NUMA1: variants seen among roughly 807,000 people sequenced by gnomAD.
NUMA1 encodes the protein nuclear mitotic apparatus protein 1, also known as SP-H antigen.
Under a neutral mutation model 237.1 loss-of-function variants are expected in NUMA1, and 62 were observed. That is an observed-to-expected ratio of 0.26 (90% CI 0.21 to 0.32). NUMA1 has a LOEUF of 0.32. Ranked by LOEUF, NUMA1 falls within the 10% of genes least tolerant of loss-of-function variation. The probability of loss-of-function intolerance (pLI) is 1.00; values close to 1 mark genes in which losing one functional copy is unlikely to be tolerated. For missense variants in NUMA1, 2,533 were observed against 2,666.5 expected (o/e 0.95, Z 1.10); for synonymous variants, 1,028 against 1,066.1 (o/e 0.96, Z 0.70).
chr11:72,060,021 C>T, intron 2 of NUMA1, among the ~76,000 whole-genome samples: 1 of 152,104 alleles, frequency 6.6e-6, no homozygotes, highest in Non-Finnish European at 1.5e-5. Context: ...AAAGGTATTA[C>T]CATTTTGATT....
Position 72,008,838 on chromosome 11 carries a change from T to G in NUMA1, c.5066A>C (p.His1689Pro). 1.2e-6 allele frequency: 2 copies of G among 1,614,102 alleles called. No individual in the cohort carries two copies. The highest frequency in any genetic ancestry group is 1.7e-6 in the Non-Finnish European group (2 of 1,180,018). The change falls in exon 20 of 27, where the codon CAT (histidine) becomes CCT (proline). Residue 1689 changes from histidine to proline, a missense_variant. Coordinates refer to ENST00000393695, the MANE Select transcript of NUMA1 (RefSeq NM_006185.4). ...QVRSLEAQVA[H>P]ADQQLRDLGK... The stretch of plus-strand genomic sequence containing the variant: ...CAGGTCTCGAAGCTGCTGGTCTGCA[T>G]GGGCAACCTGAGAAGGAGAGGGCCA...
At position 72,013,542 on chromosome 11, in the gene NUMA1, G is replaced by A. The variant is rs754313223; in HGVS notation, c.3961C>T (p.Arg1321Cys). 21 of 1,613,418 alleles carry A rather than the reference G, an allele frequency of 1.3e-5. No homozygotes were observed. The highest frequency in any genetic ancestry group is 2.2e-5 in the East Asian group (1 of 44,870). Residue 1321 changes from arginine (R) to cysteine (C), a missense_variant, in exon 15 of 27, where the codon CGT (arginine) becomes TGT (cysteine). This residue lies in a region of NUMA1 where 324 missense variants were observed against 407.6 expected (regional missense o/e 0.79). Transcript: ENST00000393695. This position sits in a 1 kb window ranked among gnomAD's most constrained non-coding sequence, Gnocchi z 6.8. ...AATTCTTGGCCCAGCTCCTCCGCAC[G>A]CTCAGCCTGTGAGGTCAGCTCCTGC... The part of the protein sequence containing the change: ...LRQELTSQAE[R>C]AEELGQELKA...
In NUMA1 at chr11:72,018,816, C is replaced by A. The variant is rs371436407; in HGVS notation, c.742+7G>T. ...TTCACACATCTGCCAGTGTGCCAGCCACCTACCCTTCTCGGTGAGGAGCTT... is the reference window on the plus strand; with the variant it reads ...TTCACACATCTGCCAGTGTGCCAGCAACCTACCCTTCTCGGTGAGGAGCTT... On this transcript the variant is annotated splice_region_variant and intron_variant, in intron 10 of 26. Coordinates refer to ENST00000393695, the MANE Select transcript of NUMA1 (RefSeq NM_006185.4). 3.1e-6 allele frequency: 5 copies of A among 1,606,912 alleles called. No individual in the cohort carries two copies. Among genetic ancestry groups the A allele is most frequent in the Non-Finnish European group, 4.2e-6 (5 of 1,179,064 alleles).
chr11:72,033,780 G>A (rs1213032281), intron 3 of NUMA1, among the ~76,000 whole-genome samples: 1 of 152,150 alleles, frequency 6.6e-6, no homozygotes, highest in Non-Finnish European at 1.5e-5. Context: ...TAACACTTTG[G>A]GAGGTCAAGG....
rs1020751231 is a variant in NUMA1 at position 72,032,973 on chromosome 11, G to A, written c.42+2929C>T. On this transcript the variant is annotated intron_variant, in intron 3 of 26. Coordinates refer to ENST00000393695, the MANE Select transcript of NUMA1 (RefSeq NM_006185.4). ...TTTAGCATTTTGATGTATTTCTTTC[G>A]TTTTTTCTAGGTAATTTTTTTTAAA... Among the ~76,000 whole-genome samples, 16 of 151,956 alleles carry A rather than the reference G, an allele frequency of 1.1e-4. No individual in the cohort carries two copies. In the East Asian group the frequency reaches 1.2e-3, roughly 11 times the overall value.
chr11:72,028,176 CAACA>C (rs1332033479), intron 4 of NUMA1, among the ~76,000 whole-genome samples: 2 of 152,218 alleles, frequency 1.3e-5, no homozygotes, highest in African/African-American at 2.4e-5. Context: ...TCTCTTCACT[CAACA>C]AACATTCACT....
chr11:72,069,054 T>A (rs1173315897), intron 2 of NUMA1, among the ~76,000 whole-genome samples: 2 of 152,112 alleles, frequency 1.3e-5, no homozygotes, highest in East Asian at 3.8e-4. Flanking sequence ...AATGACACCA[T>A]CACCAAAGGA....
chr11:72,003,770 C>T (rs1057422824), intron 26 of NUMA1, 117 bp downstream of exon 26: 8 of 1,160,630 alleles, frequency 6.9e-6, no homozygotes, highest in Non-Finnish European at 1.0e-5. Context: ...ACACCTCTTA[C>T]CCCACACCCT....
chr11:72,014,685 C>G lies in NUMA1; in HGVS notation c.2818G>C (p.Glu940Gln). ...QETASRELVK[E>Q]PARAGDRQPE... ...TGTCTGTCTCCTGCCCTCGCAGGCT[C>G]CTTGACTAACTCCCGGGAGGCTGTT... is the stretch of plus-strand genomic sequence containing the variant. The change falls in exon 15 of 27, where the codon GAG (glutamate) becomes CAG (glutamine). Residue 940 changes from glutamate (E) to glutamine (Q), a missense_variant. Glu to Gln is a conservative substitution (Grantham distance 29). Transcript: ENST00000393695. This position sits in a 1 kb window ranked among gnomAD's most constrained non-coding sequence, Gnocchi z 4.6. The G allele has an allele frequency of 6.2e-7, 1 of 1,613,702 alleles. No individual in the cohort carries two copies. The highest frequency in any genetic ancestry group is 8.5e-7 in the Non-Finnish European group (1 of 1,180,040).
chr11:72,058,108 G>A (rs1344240284), intron 2 of NUMA1, among the ~76,000 whole-genome samples: 1 of 151,934 alleles, frequency 6.6e-6, no homozygotes, highest in African/African-American at 2.4e-5. Context: ...AAGATGAAAC[G>A]ATGTTTAGGA....
At chr11:72,023,368 AAGCAGCCTCGGAATTCAC>A (rs1939151635) in intron 5 of NUMA1, among the ~76,000 whole-genome samples, 1 of 152,154 alleles carries the variant, frequency 6.6e-6, no homozygotes, top group Non-Finnish European at 1.5e-5. Context: ...TGGAAGAAGA[AAGCAGCCTCGGAATTCAC>A]AGCAACTCTG....
chr11:72,027,625 C>A (rs1387194132), intron 4 of NUMA1, among the ~76,000 whole-genome samples: 1 of 151,874 alleles, frequency 6.6e-6, no homozygotes, highest in Non-Finnish European at 1.5e-5. Context: ...AGGAAATGAC[C>A]CCCTGATGAA....
At chr11:72,016,374 C>A in intron 14 of NUMA1, 34 bp downstream of exon 14, 1 of 1,610,076 alleles carries the variant, frequency 6.2e-7, no homozygotes, top group Non-Finnish European at 8.5e-7. Flanking sequence ...TCCACACCAA[C>A]CAGCAGCACA....
At chr11:72,007,489 T>C in intron 20 of NUMA1, 54 bp from the exon 21 acceptor site, 1 of 1,596,038 alleles carries the variant, frequency 6.3e-7, no homozygotes, top group Non-Finnish European at 8.5e-7. Context: ...AGGCATTTTG[T>C]CCAGCCCTTT....
chr11:72,037,698 C>T (rs1001221863), intron 2 of NUMA1, among the ~76,000 whole-genome samples: 1 of 152,152 alleles, frequency 6.6e-6, no homozygotes, highest in African/African-American at 2.4e-5. Context: ...TAAGTGCTTC[C>T]TGACCCTGCA....
intron 2 of NUMA1, among the ~76,000 whole-genome samples, chr11:72,062,275 T>C (rs945717020): frequency 1.4e-4 from 21 of 152,270 alleles, no homozygotes; most frequent in African/African-American, 4.3e-4. Flanking sequence ...ATTTAGGTAA[T>C]ATCAGTGATC....
Position 72,014,819 on chromosome 11 carries a change from G to T in NUMA1, c.2684C>A (p.Ala895Asp). The change falls in exon 15 of 27, where the codon GCC becomes GAC. Residue 895 changes from alanine to aspartate, a missense_variant. Transcript: ENST00000393695. The surrounding 1 kb of genome is among the most constrained non-coding windows in gnomAD (Gnocchi z 4.6). ...GGAGAGGTCATCTGCAAGCTTCTGG[G>T]CCCTGACTTCCTTCTCTTGGACCTG... ...LQQVQEKEVR[A>D]QKLADDLSTL... 2 of 1,614,194 alleles carry T rather than the reference G, an allele frequency of 1.2e-6. No individual in the cohort carries two copies. The highest frequency in any genetic ancestry group is 2.2e-5 in the South Asian group (2 of 91,086).
At chr11:72,057,285 A>G (rs995737700) in intron 2 of NUMA1, among the ~76,000 whole-genome samples, 1 of 152,200 alleles carries the variant, frequency 6.6e-6, no homozygotes, top group African/African-American at 2.4e-5. Flanking sequence ...GATAACTACA[A>G]TTACAAAGCT....
At chr11:72,034,735 G>A (rs1940802467) in intron 3 of NUMA1, among the ~76,000 whole-genome samples, 2 of 152,104 alleles carry the variant, frequency 1.3e-5, no homozygotes, top group South Asian at 4.1e-4. Flanking sequence ...AAGATACTGA[G>A]AGGCCAACTT....
Sources: gnomAD v4.1 joint callset for allele counts (sites outside exome capture counted in the v4.1 genomes callset) on GRCh38, gnomAD v4.1.1 for gene constraint, gnomAD v4.1.1 regional missense constraint, Gnocchi (gnomAD v3.1) non-coding constraint, MANE v1.5 for transcripts, NCBI Gene and HGNC (gene_info 2026-07-23, HGNC 2026-07-21) for gene names.